Variants in VMP1 observed in about 807,000 individuals in gnomAD.
The protein encoded by VMP1 is ectopic P-granules autophagy protein 3 homolog.
Under a neutral mutation model 56.0 loss-of-function variants are expected in VMP1, and 11 were observed. The observed-to-expected ratio is 0.20, with a 90% CI of 0.12 to 0.32. The LOEUF (loss-of-function observed/expected upper bound fraction) is 0.32, where lower values mean the gene tolerates loss of function less well. Among genes scored for constraint, VMP1 ranks in the 10% least tolerant of loss-of-function variants. The pLI is 1.00. For missense variants in VMP1, 296 were observed against 490.3 expected, an observed-to-expected ratio of 0.60 and a Z score of 3.74; for synonymous variants, 149 against 165.0, an observed-to-expected ratio of 0.90 and a Z score of 0.74.
intron 7 of VMP1, among the ~76,000 whole-genome samples, chr17:59,798,395 A>G (rs1418720146): frequency 6.6e-6 from 1 of 152,232 alleles, no homozygotes; most frequent in Non-Finnish European, 1.5e-5. Flanking sequence ...ATAAAGCATC[A>G]TGAGACCTAC....
At chr17:59,742,612 G>C (rs1314868206) in intron 5 of VMP1, among the ~76,000 whole-genome samples, 2 of 151,836 alleles carry the variant, frequency 1.3e-5, no homozygotes, top group Non-Finnish European at 2.9e-5. Context: ...AGAAAAGACA[G>C]AGGATTCTAA....
At chr17:59,815,539 A>C (rs1444587753) in intron 9 of VMP1, among the ~76,000 whole-genome samples, 3 of 146,592 alleles carry the variant, frequency 2.0e-5, no homozygotes, top group Non-Finnish European at 3.1e-5. Flanking sequence ...CTCAATATTT[A>C]ATAACTGAAT....
chr17:59,756,397 T>C (rs2035844318), intron 5 of VMP1, among the ~76,000 whole-genome samples: 1 of 152,216 alleles, frequency 6.6e-6, no homozygotes, highest in Non-Finnish European at 1.5e-5. Flanking sequence ...TGTTCCTTAG[T>C]GAAGAAGTAT....
intron 7 of VMP1, among the ~76,000 whole-genome samples, chr17:59,776,730 G>A (rs1355494843): frequency 6.6e-6 from 1 of 152,084 alleles, no homozygotes; most frequent in African/African-American, 2.4e-5. Flanking sequence ...TTTGAGTTAT[G>A]GCACTAACTA....
At chr17:59,777,615 C>T (rs780229066) in intron 7 of VMP1, among the ~76,000 whole-genome samples, 1 of 152,030 alleles carries the variant, frequency 6.6e-6, no homozygotes, top group Non-Finnish European at 1.5e-5. Flanking sequence ...AGTTCAAGAC[C>T]AGCCTGGCCA....
At chr17:59,820,412 A>G (rs1348288128) in intron 10 of VMP1, among the ~76,000 whole-genome samples, 1 of 152,192 alleles carries the variant, frequency 6.6e-6, no homozygotes, top group Non-Finnish European at 1.5e-5. Context: ...ACTGCATGCT[A>G]CTAGTACCTC....
At chr17:59,746,529 T>C (rs751304832) in intron 5 of VMP1, among the ~76,000 whole-genome samples, 20 of 152,238 alleles carry the variant, frequency 1.3e-4, no homozygotes, top group Non-Finnish European at 2.6e-4. Flanking sequence ...TTAGAAGTCC[T>C]CATCACTTCT....
At chr17:59,740,662 C>G (rs2035193772) in intron 5 of VMP1, among the ~76,000 whole-genome samples, 1 of 152,062 alleles carries the variant, frequency 6.6e-6, no homozygotes, top group South Asian at 2.1e-4. Context: ...GGACATAAAT[C>G]CTAGGGAATT....
intron 2 of VMP1, among the ~76,000 whole-genome samples, chr17:59,733,402 G>A (rs1262615549): frequency 6.6e-6 from 1 of 151,708 alleles, no homozygotes; most frequent in African/African-American, 2.4e-5. Flanking sequence ...GGTTTACAGT[G>A]TATATGCATT....
At chr17:59,726,891 T>C (rs2034627509) in intron 1 of VMP1, among the ~76,000 whole-genome samples, 1 of 152,214 alleles carries the variant, frequency 6.6e-6, no homozygotes, top group African/African-American at 2.4e-5. Context: ...TAAGCTTCTA[T>C]GAACTGGTCT....
intron 5 of VMP1, among the ~76,000 whole-genome samples, chr17:59,745,564 G>T (rs1232724963): frequency 6.6e-6 from 1 of 152,164 alleles, no homozygotes; most frequent in East Asian, 1.9e-4. Context: ...GTGATCAACA[G>T]AATTTTATCC....
intron 6 of VMP1, among the ~76,000 whole-genome samples, chr17:59,768,747 C>T (rs1237691516): frequency 6.6e-6 from 1 of 152,024 alleles, no homozygotes; most frequent in Non-Finnish European, 1.5e-5. Context: ...CTTTGGGAGG[C>T]CAAGGCAGGC....
Position 59,823,504 on chromosome 17 carries a change from C to T in VMP1, c.974+5731C>T, listed in dbSNP as rs528297168. Among the ~76,000 whole-genome samples the T allele has an allele frequency of 4.0e-5, 6 of 150,046 alleles. No individual in the cohort carries two copies. In the East Asian group the frequency reaches 1.2e-3, roughly 29 times the overall value. ...GTGGCTCATACCTGTAATCCCAGCACTTTGGGAGGCTGAGGTGGGCGGATC... is the reference window on the plus strand; with the variant it reads ...GTGGCTCATACCTGTAATCCCAGCATTTTGGGAGGCTGAGGTGGGCGGATC... On this transcript the variant is annotated intron_variant, in intron 10 of 11. Transcript: ENST00000262291.
At chr17:59,716,519 T>G (rs535245592) in intron 1 of VMP1, among the ~76,000 whole-genome samples, 1 of 152,300 alleles carries the variant, frequency 6.6e-6, no homozygotes, top group East Asian at 1.9e-4. Context: ...CTCACTGGAC[T>G]GTTTTGTATA....
intron 10 of VMP1, among the ~76,000 whole-genome samples, chr17:59,827,117 C>CT (rs1568222175): frequency 6.6e-6 from 1 of 151,876 alleles, no homozygotes; most frequent in Admixed American, 6.6e-5. Flanking sequence ...GAGATCATAA[C>CT]TTTTTTTTAA....
chr17:59,726,048 G>GT (rs953131765), intron 1 of VMP1, among the ~76,000 whole-genome samples: 1 of 152,102 alleles, frequency 6.6e-6, no homozygotes, highest in African/African-American at 2.4e-5. Flanking sequence ...GTTTTAGAAT[G>GT]TTATTTATAA....
At chr17:59,773,329 A>G (rs2036505976) in intron 6 of VMP1, among the ~76,000 whole-genome samples, 1 of 152,076 alleles carries the variant, frequency 6.6e-6, no homozygotes, top group Non-Finnish European at 1.5e-5. Context: ...GATAAAAATA[A>G]CAGAGTCTAA....
intron 5 of VMP1, among the ~76,000 whole-genome samples, chr17:59,760,679 G>A (rs8081710): frequency 0.14 from 20,719 of 152,144 alleles, 1,684 homozygotes; most frequent in Middle Eastern, 0.24. Context: ...GGAGTGCAGT[G>A]GCGCAATCTC....
At chr17:59,799,048 T>C (rs996649303) in intron 7 of VMP1, among the ~76,000 whole-genome samples, 3 of 152,194 alleles carry the variant, frequency 2.0e-5, no homozygotes, top group Admixed American at 1.3e-4. Context: ...CATCTAGTTT[T>C]TGAGTACTTA....
Sources: gnomAD v4.1 joint callset for allele counts (sites outside exome capture counted in the v4.1 genomes callset) on GRCh38, gnomAD v4.1.1 for gene constraint, MANE v1.5 for transcripts, NCBI Gene and HGNC (gene_info 2026-07-23, HGNC 2026-07-21) for gene names.